ITGB6: variants seen among roughly 807,000 people sequenced by gnomAD.
The protein encoded by ITGB6 is integrin beta-6.
A neutral mutation model predicts 84.5 loss-of-function variants in ITGB6; 80 were observed. The observed-to-expected ratio is 0.95, with a 90% CI of 0.79 to 1.14. The LOEUF (loss-of-function observed/expected upper bound fraction) is 1.14, where lower values mean the gene tolerates loss of function less well. ITGB6 is among the 50% of genes most tolerant of loss of function. The pLI, the probability that ITGB6 is intolerant of heterozygous loss-of-function variation, is 0.00. For synonymous variants in ITGB6, 383 were observed against 354.9 expected (o/e 1.08, Z -0.89); for missense variants, 1,006 against 968.0 (o/e 1.04, Z -0.52).
intron 7 of ITGB6, among the ~76,000 whole-genome samples, chr2:160,149,132 C>G (rs1684307392): frequency 6.6e-6 from 1 of 152,396 alleles, no homozygotes; most frequent in African/African-American, 2.4e-5. Context: ...TGAGAACAGA[C>G]AGACTGCCTC....
chr2:160,197,939 G>T (rs1017966007), intron 2 of ITGB6, among the ~76,000 whole-genome samples: 1 of 152,194 alleles, frequency 6.6e-6, no homozygotes, highest in Non-Finnish European at 1.5e-5. Flanking sequence ...TATTAGAGTG[G>T]CCTCTTAGAA....
intron 10 of ITGB6, among the ~76,000 whole-genome samples, chr2:160,133,090 C>T (rs2105810702): frequency 6.6e-6 from 1 of 152,048 alleles, no homozygotes; most frequent in Non-Finnish European, 1.5e-5. Context: ...TTTCCAAAGT[C>T]ATATACATTT....
intron 10 of ITGB6, among the ~76,000 whole-genome samples, chr2:160,136,165 G>A (rs1354180874): frequency 6.6e-6 from 1 of 151,928 alleles, no homozygotes; most frequent in Non-Finnish European, 1.5e-5. Flanking sequence ...TCTGACAAAG[G>A]GCTAACATCC....
intron 4 of ITGB6, among the ~76,000 whole-genome samples, chr2:160,176,877 C>A (rs1685438194): frequency 6.6e-6 from 1 of 152,158 alleles, no homozygotes; most frequent in Non-Finnish European, 1.5e-5. Flanking sequence ...ATTTGATCAT[C>A]TTTCTATTGC....
In ITGB6 at chr2:160,141,987, AAGC is replaced by A; in HGVS notation, c.1099_1101del (p.Ala367del). The A allele has an allele frequency of 6.3e-7, 1 of 1,588,120 alleles. No individual in the cohort carries two copies. Among genetic ancestry groups the A allele is most frequent in the Non-Finnish European group, 8.6e-7 (1 of 1,159,598 alleles). On this transcript the variant is annotated inframe_deletion, in exon 8 of 15. Transcript: ENST00000283249. ...CCAGCTGTAAAATATCCTACTTCATAAGCTGAGATGATCAGCTGGAGAATGTTT... is the reference window on the plus strand; with the variant it reads ...CCAGCTGTAAAATATCCTACTTCATATGAGATGATCAGCTGGAGAATGTTT...
chr2:160,178,099 T>C (rs1685503860), intron 4 of ITGB6, among the ~76,000 whole-genome samples: 2 of 152,208 alleles, frequency 1.3e-5, no homozygotes, highest in East Asian at 3.9e-4. Context: ...GGTCTCGAGC[T>C]CCTGACCTCA....
chr2:160,107,338 T>C (rs1696948458), intron 14 of ITGB6, among the ~76,000 whole-genome samples: 1 of 152,138 alleles, frequency 6.6e-6, no homozygotes, highest in Non-Finnish European at 1.5e-5. Flanking sequence ...ATAGCACCCG[T>C]GCTTTATCAA....
chr2:160,135,755 C>T (rs1683687706), intron 10 of ITGB6, among the ~76,000 whole-genome samples: 1 of 151,974 alleles, frequency 6.6e-6, no homozygotes, highest in Non-Finnish European at 1.5e-5. Context: ...TGCCACATAT[C>T]TACAACTATC....
chr2:160,130,133 A>G (rs754109599), intron 10 of ITGB6, among the ~76,000 whole-genome samples: 3 of 152,146 alleles, frequency 2.0e-5, no homozygotes, highest in Non-Finnish European at 4.4e-5. Flanking sequence ...AACCTATACA[A>G]TATGTTACTG....
rs1161173158 is a variant in ITGB6, at chr2:160,126,435, G to A, written c.1827C>T (p.Ala609=). Residue 609 remains alanine (A), a synonymous_variant, in exon 11 of 15, where the codon GCC becomes GCT. Coordinates refer to ENST00000283249, the MANE Select transcript of ITGB6 (RefSeq NM_000888.5). ...GACATCGTTCACAGGTTGGTCCTGA[G>A]GCTCCAGGGTTTGTGCAAACACACT... ...CGKCVCTNPG[A]SGPTCERCPT... 6.2e-7 allele frequency: 1 copy of A among 1,614,174 alleles called. No homozygotes were observed. The highest frequency in any genetic ancestry group is 8.5e-7 in the Non-Finnish European group (1 of 1,180,018).
intron 2 of ITGB6, among the ~76,000 whole-genome samples, chr2:160,196,673 A>G (rs542927354): frequency 1.9e-4 from 29 of 151,934 alleles, no homozygotes; most frequent in Non-Finnish European, 3.5e-4. Flanking sequence ...TTCACGTAAC[A>G]ATTGCATGTG....
At chr2:160,188,998 A>C (rs1002954505) in intron 4 of ITGB6, among the ~76,000 whole-genome samples, 9 of 152,164 alleles carry the variant, frequency 5.9e-5, no homozygotes, top group African/African-American at 2.2e-4. Flanking sequence ...CTGGTACCAA[A>C]ACAGAGATAT....
intron 7 of ITGB6, among the ~76,000 whole-genome samples, chr2:160,160,812 G>A (rs1684786137): frequency 6.6e-6 from 1 of 152,156 alleles, no homozygotes; most frequent in Non-Finnish European, 1.5e-5. Context: ...ACACCACATA[G>A]AGTGGCCAAC....
At chr2:160,178,714 C>G (rs1446007615) in intron 4 of ITGB6, among the ~76,000 whole-genome samples, 1 of 113,732 alleles carries the variant, frequency 8.8e-6, no homozygotes, top group Non-Finnish European at 1.7e-5. Context: ...TTTTTTGAGA[C>G]AGGGTCTCCC....
At chr2:160,148,436 C>T (rs567713431) in intron 7 of ITGB6, among the ~76,000 whole-genome samples, 18 of 152,202 alleles carry the variant, frequency 1.2e-4, no homozygotes, top group South Asian at 2.1e-4. Flanking sequence ...ACTATATGAT[C>T]CAGTGATCAA....
chr2:160,143,199 C>T (rs534948756), intron 7 of ITGB6, among the ~76,000 whole-genome samples: 133 of 152,128 alleles, frequency 8.7e-4, no homozygotes, highest in African/African-American at 3.0e-3. Context: ...GCAGGAGGAT[C>T]GCTTAAGCCC....
At chr2:160,172,038 T>A (rs1418397976) in intron 6 of ITGB6, among the ~76,000 whole-genome samples, 4 of 152,220 alleles carry the variant, frequency 2.6e-5, no homozygotes, top group Non-Finnish European at 5.9e-5. Flanking sequence ...TCCAAAGAGC[T>A]CTGAAATTTT....
At chr2:160,105,192 T>G (rs1366670389) in intron 14 of ITGB6, among the ~76,000 whole-genome samples, 1 of 152,222 alleles carries the variant, frequency 6.6e-6, no homozygotes, top group Non-Finnish European at 1.5e-5. Context: ...ATCAAACATT[T>G]GTTATTCAAA....
chr2:160,198,007 G>A (rs925492158), intron 2 of ITGB6, among the ~76,000 whole-genome samples: 5 of 152,202 alleles, frequency 3.3e-5, no homozygotes, highest in South Asian at 2.1e-4. Context: ...CACAAGTAAA[G>A]TTATCAGCAG....
Sources: allele counts gnomAD v4.1 joint callset (sites outside exome capture counted in the v4.1 genomes callset), GRCh38; gene constraint gnomAD v4.1.1; transcripts MANE v1.5; gene names NCBI Gene and HGNC (gene_info 2026-07-23, HGNC 2026-07-21).